The following WWOX variants were observed in gnomAD, a reference collection of about 807,000 sequenced individuals.
WWOX encodes the protein WW domain containing oxidoreductase, also known as WW domain-containing oxidoreductase.
WWOX carries 69 observed loss-of-function variants against 46.2 expected under a neutral mutation model. That is an observed-to-expected ratio of 1.49 (90% CI 1.23 to 1.82). WWOX has a LOEUF of 1.82. WWOX is among the 40% of genes most tolerant of loss of function. The pLI is 0.00. For synonymous variants in WWOX, 359 were observed against 202.6 expected, an observed-to-expected ratio of 1.77 and a Z score of -6.56; for missense variants, 919 against 542.6, an observed-to-expected ratio of 1.69 and a Z score of -6.89.
chr16:78,814,323 C>T (rs534068064), intron 8 of WWOX, among the ~76,000 whole-genome samples: 238 of 152,208 alleles, frequency 1.6e-3, no homozygotes, highest in Non-Finnish European at 2.6e-3. Flanking sequence ...ATCTCCTTTT[C>T]CCTAAAAAAC....
chr16:78,165,065 A>G (rs113265374), intron 5 of WWOX, among the ~76,000 whole-genome samples: 1,802 of 152,330 alleles, frequency 0.012, 30 homozygotes, highest in African/African-American at 0.026. Context: ...TTCAAGGATC[A>G]TCAGGGAAGC....
intron 8 of WWOX, among the ~76,000 whole-genome samples, chr16:78,621,664 G>A (rs928651690): frequency 1.6e-5 from 2 of 126,778 alleles, no homozygotes; most frequent in Non-Finnish European, 3.2e-5. Context: ...GAGTGCAGTG[G>A]CACCATCTCG....
intron 4 of WWOX, among the ~76,000 whole-genome samples, chr16:78,159,952 G>GTC (rs1186119795): frequency 4.0e-5 from 6 of 151,418 alleles, no homozygotes; most frequent in Admixed American, 2.0e-4. Context: ...TTCTGTCTCT[G>GTC]TCTCTCTCTC....
intron 8 of WWOX, among the ~76,000 whole-genome samples, chr16:78,862,512 A>T (rs979230548): frequency 1.3e-5 from 2 of 152,118 alleles, no homozygotes; most frequent in African/African-American, 2.4e-5. Context: ...GTATATATGT[A>T]TAAAGATATA....
At chr16:79,143,673 C>G (rs192882015) in intron 8 of WWOX, among the ~76,000 whole-genome samples, 271 of 152,218 alleles carry the variant, frequency 1.8e-3, no homozygotes, top group Non-Finnish European at 3.4e-3. Context: ...GTTTCACACC[C>G]TATGTCTTGT....
intron 8 of WWOX, among the ~76,000 whole-genome samples, chr16:78,924,659 A>T (rs926361962): frequency 5.3e-5 from 8 of 152,214 alleles, no homozygotes; most frequent in Admixed American, 1.3e-4. Context: ...ACGATTATCC[A>T]TTCAACATTT....
chr16:78,899,149 A>AG (rs1567635300), intron 8 of WWOX: 1 of 152,166 alleles, frequency 6.6e-6, no homozygotes, highest in African/African-American at 2.4e-5. Flanking sequence ...TGAGACAGAC[A>AG]TCATTGCTTT....
At chr16:78,369,576 G>C (rs1328576847) in intron 5 of WWOX, among the ~76,000 whole-genome samples, 4 of 152,116 alleles carry the variant, frequency 2.6e-5, no homozygotes, top group Non-Finnish European at 4.4e-5. Flanking sequence ...GTATTGAGGG[G>C]CTGGACTGAT....
At chr16:78,793,524 G>C (rs974286434) in intron 8 of WWOX, among the ~76,000 whole-genome samples, 4 of 152,064 alleles carry the variant, frequency 2.6e-5, no homozygotes, top group African/African-American at 7.2e-5. Flanking sequence ...AATTTTGCAG[G>C]TCATTAGCTC....
At chr16:78,638,708 A>ACATTAGAG (rs2046634295) in intron 8 of WWOX, among the ~76,000 whole-genome samples, 1 of 152,200 alleles carries the variant, frequency 6.6e-6, no homozygotes, top group African/African-American at 2.4e-5. Context: ...CCAATCGAAT[A>ACATTAGAG]CATTAGAGCA....
At chr16:78,678,708 C>G (rs1439221283) in intron 8 of WWOX, among the ~76,000 whole-genome samples, 1 of 151,946 alleles carries the variant, frequency 6.6e-6, no homozygotes, top group Non-Finnish European at 1.5e-5. Context: ...AAAAGAGGGT[C>G]AAGATTTTGA....
intron 8 of WWOX, among the ~76,000 whole-genome samples, chr16:78,655,018 C>G (rs548607995): frequency 2.6e-5 from 4 of 152,034 alleles, no homozygotes; most frequent in African/African-American, 7.2e-5. Flanking sequence ...CATTTTGTGT[C>G]GGTACTTGCT....
intron 8 of WWOX, among the ~76,000 whole-genome samples, chr16:78,662,756 C>G (rs1479766342): frequency 1.3e-5 from 2 of 152,144 alleles, no homozygotes; most frequent in African/African-American, 4.8e-5. Flanking sequence ...GGATCCACTT[C>G]CAAGCTGCAC....
intron 5 of WWOX, among the ~76,000 whole-genome samples, chr16:78,304,876 A>T (rs1218631451): frequency 6.6e-6 from 1 of 152,116 alleles, no homozygotes; most frequent in East Asian, 1.9e-4. Context: ...TTTCGCTAGC[A>T]TTGGGAAAAT....
At chr16:78,752,431 G>A (rs2049506985) in intron 8 of WWOX, among the ~76,000 whole-genome samples, 2 of 152,238 alleles carry the variant, frequency 1.3e-5, no homozygotes, top group South Asian at 4.1e-4. Context: ...GGGATTACAG[G>A]CACACACCAC....
intron 5 of WWOX, among the ~76,000 whole-genome samples, chr16:78,251,202 G>A (rs754443976): frequency 6.6e-6 from 1 of 152,178 alleles, no homozygotes; most frequent in South Asian, 2.1e-4. Flanking sequence ...ATGCTGTTAG[G>A]AGGAGGAGGA....
At chr16:78,924,473 C>G (rs1045807562) in intron 8 of WWOX, among the ~76,000 whole-genome samples, 4 of 152,188 alleles carry the variant, frequency 2.6e-5, no homozygotes, top group African/African-American at 7.2e-5. Context: ...TCACTTAAAA[C>G]TTGTCTTCGC....
chr16:78,399,091 A>T (rs1284859196), intron 6 of WWOX, among the ~76,000 whole-genome samples: 1 of 145,094 alleles, frequency 6.9e-6, no homozygotes, highest in Non-Finnish European at 1.5e-5. Flanking sequence ...AGATGGATGG[A>T]AGGGGTGGAA....
chr16:78,734,747 G>A (rs148094768), intron 8 of WWOX, among the ~76,000 whole-genome samples: 48 of 146,876 alleles, frequency 3.3e-4, no homozygotes, highest in Admixed American at 2.6e-3. Flanking sequence ...CCTGAGCTTC[G>A]TCTCATCAGC....
Sources: gnomAD v4.1 joint callset for allele counts (sites outside exome capture counted in the v4.1 genomes callset) on GRCh38, gnomAD v4.1.1 for gene constraint, MANE v1.5 for transcripts, NCBI Gene and HGNC (gene_info 2026-07-23, HGNC 2026-07-21) for gene names.